ADGRL3: variants seen among roughly 807,000 people sequenced by gnomAD.
ADGRL3 encodes adhesion G protein-coupled receptor L3.
In ADGRL3, 62 loss-of-function variants were observed where a neutral mutation model predicts 153.5. That is an observed-to-expected ratio of 0.40 (90% confidence interval 0.33 to 0.50). The LOEUF is 0.50. Ranked by LOEUF, ADGRL3 falls within the 20% of genes least tolerant of loss-of-function variation. ADGRL3 has a pLI of 0.47. For synonymous variants in ADGRL3, 710 were observed against 672.5 expected, an observed-to-expected ratio of 1.06 and a Z score of -0.86; for missense variants, 1,641 against 1,859.4, an observed-to-expected ratio of 0.88 and a Z score of 2.16.
At chr4:61,983,266 A>G (rs2099074715) in intron 18 of ADGRL3, 117 bp from the exon 19 acceptor site, 2 of 676,752 alleles carry the variant, frequency 3.0e-6, no homozygotes, top group Non-Finnish European at 5.1e-6. Flanking sequence ...TCCCTAGGTT[A>G]TTATTTTGCA....
chr4:61,317,747 G>A (rs896021956), intron 1 of ADGRL3, among the ~76,000 whole-genome samples: 3 of 152,098 alleles, frequency 2.0e-5, no homozygotes, highest in African/African-American at 7.2e-5. Context: ...AGAGTAACCA[G>A]AGTCTATATA....
At chr4:61,938,910 G>A (rs1459952617) in intron 15 of ADGRL3, among the ~76,000 whole-genome samples, 8 of 111,630 alleles carry the variant, frequency 7.2e-5, no homozygotes, top group East Asian at 2.7e-4. Flanking sequence ...CTATCTCCCC[G>A]CCTGACTCAA....
intron 8 of ADGRL3, among the ~76,000 whole-genome samples, chr4:61,805,364 A>G (rs1034499596): frequency 5.3e-5 from 8 of 152,142 alleles, no homozygotes; most frequent in Non-Finnish European, 7.4e-5. Context: ...GCCTGCCAAG[A>G]TAGGATTTAA....
At chr4:61,723,895 G>A (rs72638559) in intron 6 of ADGRL3, among the ~76,000 whole-genome samples, 20,262 of 152,092 alleles carry the variant, frequency 0.13, 1,702 homozygotes, top group East Asian at 0.22. Context: ...AATAACTTCT[G>A]TAATAATAGT....
chr4:61,411,623 CAATTTTGACT>C (rs1231975270), intron 2 of ADGRL3, among the ~76,000 whole-genome samples: 3 of 152,162 alleles, frequency 2.0e-5, no homozygotes, highest in African/African-American at 7.2e-5. Flanking sequence ...GCTTTACATA[CAATTTTGACT>C]AATTTCTCTT....
chr4:61,256,481 T>C (rs2091980192), intron 1 of ADGRL3, among the ~76,000 whole-genome samples: 1 of 152,174 alleles, frequency 6.6e-6, no homozygotes. Context: ...ACAATAATTA[T>C]CCTTTTTTTT....
At chr4:61,843,711 A>C (rs943043412) in intron 9 of ADGRL3, among the ~76,000 whole-genome samples, 1 of 152,194 alleles carries the variant, frequency 6.6e-6, no homozygotes, top group Non-Finnish European at 1.5e-5. Flanking sequence ...CCTAAGATCC[A>C]ATAAAGATTT....
chr4:61,711,294 T>A (rs2095976340), intron 6 of ADGRL3, among the ~76,000 whole-genome samples: 1 of 151,552 alleles, frequency 6.6e-6, no homozygotes, highest in Non-Finnish European at 1.5e-5. Flanking sequence ...CTCACTGCAC[T>A]AGTTATAAAT....
intron 25 of ADGRL3, among the ~76,000 whole-genome samples, chr4:62,047,833 C>T (rs911368074): frequency 6.6e-6 from 1 of 152,058 alleles, no homozygotes; most frequent in Non-Finnish European, 1.5e-5. Context: ...TTCAGAATTC[C>T]TTGAGGCCAA....
intron 1 of ADGRL3, among the ~76,000 whole-genome samples, chr4:61,364,182 A>T (rs1051573511): frequency 2.0e-5 from 3 of 151,856 alleles, no homozygotes; most frequent in African/African-American, 7.3e-5. Flanking sequence ...TAAAAAAAAA[A>T]ATTAGCTGGG....
chr4:61,690,093 T>C (rs1279012731), intron 6 of ADGRL3, among the ~76,000 whole-genome samples: 1 of 152,148 alleles, frequency 6.6e-6, no homozygotes, highest in Non-Finnish European at 1.5e-5. Context: ...GCGTAGTTTT[T>C]AAAGAAGTTT....
At position 61,295,741 on chromosome 4, in the gene ADGRL3, T is replaced by C. The variant is rs915959201; in HGVS notation, c.-239-87383T>C. Reference sequence around the variant, plus strand: ...TGGGAGGCAGAGGTGTGAGGGTCACTTGAGCCTAGGAGTTTGAGACCAGCC... The same window carrying C: ...TGGGAGGCAGAGGTGTGAGGGTCACCTGAGCCTAGGAGTTTGAGACCAGCC... On this transcript the variant is annotated intron_variant, in intron 1 of 26. Transcript: ENST00000683033. Among the ~76,000 whole-genome samples, 6 of 151,716 alleles carry C rather than the reference T, an allele frequency of 4.0e-5. No individual in the cohort carries two copies. In the East Asian group the frequency reaches 9.7e-4, roughly 25 times the overall value.
intron 1 of ADGRL3, among the ~76,000 whole-genome samples, chr4:61,374,730 G>A (rs533585552): frequency 1.3e-5 from 2 of 151,974 alleles, no homozygotes; most frequent in African/African-American, 4.8e-5. Flanking sequence ...TTTTTCACTT[G>A]TGCAGAAGCA....
chr4:61,250,174 C>T (rs1758691773), intron 1 of ADGRL3, among the ~76,000 whole-genome samples: 1 of 152,116 alleles, frequency 6.6e-6, no homozygotes, highest in Non-Finnish European at 1.5e-5. Flanking sequence ...AAGGATTTGC[C>T]ACAGGGTTGA....
At chr4:61,399,543 G>A (rs1293519272) in intron 2 of ADGRL3, among the ~76,000 whole-genome samples, 1 of 151,490 alleles carries the variant, frequency 6.6e-6, no homozygotes, top group Non-Finnish European at 1.5e-5. Flanking sequence ...AAGGTAATTA[G>A]GTTTGTAAAT....
intron 4 of ADGRL3, among the ~76,000 whole-genome samples, chr4:61,571,754 T>G (rs1186513525): frequency 6.6e-6 from 1 of 152,206 alleles, no homozygotes; most frequent in Admixed American, 6.6e-5. Flanking sequence ...ACTATGTGCC[T>G]AGCACTGTGC....
intron 25 of ADGRL3, among the ~76,000 whole-genome samples, chr4:62,049,273 G>GA (rs757726438): frequency 2.0e-5 from 3 of 151,964 alleles, no homozygotes; most frequent in Middle Eastern, 3.4e-3. Context: ...GGTAGAATTA[G>GA]AAAAAAGGGC....
chr4:61,548,003 G>A (rs2098722044), intron 4 of ADGRL3, among the ~76,000 whole-genome samples: 1 of 151,924 alleles, frequency 6.6e-6, no homozygotes, highest in Non-Finnish European at 1.5e-5. Context: ...TAGTGATGTT[G>A]AGTATTTTTT....
chr4:61,847,376 C>T (rs1239394191), intron 9 of ADGRL3, among the ~76,000 whole-genome samples: 1 of 150,426 alleles, frequency 6.6e-6, no homozygotes, highest in Non-Finnish European at 1.5e-5. Flanking sequence ...GATCAAGCAG[C>T]AGTGTATGGG....
Sources: allele counts gnomAD v4.1 joint callset (sites outside exome capture counted in the v4.1 genomes callset), GRCh38; gene constraint gnomAD v4.1.1; transcripts MANE v1.5; gene names NCBI Gene and HGNC (gene_info 2026-07-23, HGNC 2026-07-21).